Variants in GRM7 observed in about 807,000 individuals in gnomAD.
GRM7 encodes the protein glutamate metabotropic receptor 7.
GRM7 carries 35 observed loss-of-function variants against 84.5 expected under a neutral mutation model. The observed-to-expected ratio is 0.41, with a 90% CI of 0.32 to 0.55. The LOEUF (loss-of-function observed/expected upper bound fraction) is 0.55. GRM7 is among the 20% of genes least tolerant of loss of function. The probability of loss-of-function intolerance (pLI) is 0.19; values close to 1 mark genes in which losing one functional copy is unlikely to be tolerated. For synonymous variants in GRM7, 487 were observed against 455.1 expected, an observed-to-expected ratio of 1.07 and a Z score of -0.89; for missense variants, 1,003 against 1,194.6, an observed-to-expected ratio of 0.84 and a Z score of 2.36.
At chr3:7,487,068 TA>T (rs1265653881) in intron 7 of GRM7, among the ~76,000 whole-genome samples, 1 of 152,122 alleles carries the variant, frequency 6.6e-6, no homozygotes, top group Non-Finnish European at 1.5e-5. Flanking sequence ...TGAAGTAAAA[TA>T]CAGTTGTGAA....
intron 7 of GRM7, among the ~76,000 whole-genome samples, chr3:7,482,068 G>A (rs368412550): frequency 6.6e-6 from 1 of 152,106 alleles, no homozygotes; most frequent in African/African-American, 2.4e-5. Flanking sequence ...GACACCTGTA[G>A]TCCCAGCTAC....
intron 1 of GRM7, among the ~76,000 whole-genome samples, chr3:6,949,698 A>G (rs9819442): frequency 6.6e-6 from 1 of 152,082 alleles, no homozygotes; most frequent in Non-Finnish European, 1.5e-5. Context: ...TACACCAATC[A>G]GACGTAGATT....
intron 1 of GRM7, among the ~76,000 whole-genome samples, chr3:7,090,097 C>T (rs1698611055): frequency 6.6e-6 from 1 of 152,150 alleles, no homozygotes; most frequent in Non-Finnish European, 1.5e-5. Context: ...CCAGCCTCAG[C>T]CTCCTACAGT....
chr3:7,187,167 C>A (rs1449700596), intron 2 of GRM7, among the ~76,000 whole-genome samples: 2 of 151,632 alleles, frequency 1.3e-5, no homozygotes, highest in Non-Finnish European at 2.9e-5. Flanking sequence ...AAATGCTTTT[C>A]TGAAATATGC....
At chr3:7,265,229 AC>A (rs1182045410) in intron 2 of GRM7, among the ~76,000 whole-genome samples, 3 of 152,182 alleles carry the variant, frequency 2.0e-5, no homozygotes, top group African/African-American at 7.2e-5. Flanking sequence ...TGGAATGGAA[AC>A]CTTTCAGTTC....
intron 4 of GRM7, among the ~76,000 whole-genome samples, chr3:7,370,621 A>G (rs1273823989): frequency 6.6e-6 from 1 of 152,152 alleles, no homozygotes; most frequent in Admixed American, 6.6e-5. Flanking sequence ...ATACAAAAGG[A>G]AATGGATAAA....
intron 2 of GRM7, among the ~76,000 whole-genome samples, chr3:7,237,465 C>T (rs1049816193): frequency 2.6e-5 from 4 of 152,044 alleles, no homozygotes; most frequent in African/African-American, 7.2e-5. Context: ...TTCTTGGGCT[C>T]GCTGACTTCA....
intron 4 of GRM7, among the ~76,000 whole-genome samples, chr3:7,410,276 A>G (rs1282236077): frequency 6.6e-6 from 1 of 152,194 alleles, no homozygotes; most frequent in African/African-American, 2.4e-5. Context: ...AGCTGATTTT[A>G]AAAGTATTTT....
In GRM7 at chr3:7,505,481, T is replaced by C. The variant is rs532054175; in HGVS notation, c.1515+43759T>C. On this transcript the variant is annotated intron_variant, in intron 7 of 9. Transcript: ENST00000357716. ...CTGACTGTGGTCTCTCTGCAGTAAC[T>C]CTACTTGTGTGACAAACCACCGTGT... 3.3e-5 allele frequency among the ~76,000 whole-genome samples: 5 copies of C among 152,364 alleles called. No individual in the cohort carries two copies. In the East Asian group the frequency reaches 9.7e-4, roughly 29 times the overall value.
At chr3:7,130,869 A>G (rs1414783580) in intron 1 of GRM7, among the ~76,000 whole-genome samples, 1 of 152,172 alleles carries the variant, frequency 6.6e-6, no homozygotes, top group Non-Finnish European at 1.5e-5. Flanking sequence ...TGTGCAATGA[A>G]GGGAACCTAC....
intron 9 of GRM7, chr3:7,691,334 T>C (rs2125151001): frequency 8.9e-7 from 1 of 1,117,646 alleles, no homozygotes; most frequent in East Asian, 5.8e-5. Context: ...TTTCTGTAAG[T>C]GTTGGTCCAA....
intron 1 of GRM7, among the ~76,000 whole-genome samples, chr3:6,937,954 A>G (rs1454797144): frequency 1.3e-5 from 2 of 152,214 alleles, no homozygotes; most frequent in Non-Finnish European, 2.9e-5. Flanking sequence ...ATAAGTAAAT[A>G]CTGATGACAT....
In GRM7 at chr3:7,494,534, T is replaced by G. The variant is rs76702263; in HGVS notation, c.1515+32812T>G. 7.9e-5 allele frequency among the ~76,000 whole-genome samples: 12 copies of G among 152,342 alleles called. No homozygotes were observed. In the East Asian group the frequency reaches 2.3e-3, roughly 29 times the overall value. On this transcript the variant is annotated intron_variant, in intron 7 of 9. Coordinates refer to ENST00000357716, the MANE Select transcript of GRM7 (RefSeq NM_000844.4). ...GAAAGTGTCCAGCCATTATTTCTTGTACTACCCTTTAGCTTCACTCTCTTT... is the reference window on the plus strand; with the variant it reads ...GAAAGTGTCCAGCCATTATTTCTTGGACTACCCTTTAGCTTCACTCTCTTT...
At chr3:6,995,637 A>G (rs905467723) in intron 1 of GRM7, among the ~76,000 whole-genome samples, 1 of 152,244 alleles carries the variant, frequency 6.6e-6, no homozygotes, top group African/African-American at 2.4e-5. Context: ...ATCTAACTGA[A>G]TCATATCAAG....
chr3:7,415,051 A>C lies in GRM7; in HGVS notation c.1062A>C (p.Thr354=). The change falls in exon 5 of 10, where the codon ACA becomes ACC. Residue 354 remains threonine (T), a synonymous_variant. Transcript: ENST00000357716. The part of the protein sequence containing the change: ...EGFDAYFTSR[T]LENNRRNVWF... The stretch of plus-strand genomic sequence containing the variant: ...TTGATGCCTACTTTACGTCCCGTAC[A>C]CTTGAAAACAACAGAAGAAATGTAT... 1 of 1,613,106 alleles carries C rather than the reference A, an allele frequency of 6.2e-7. No homozygotes were observed. Among genetic ancestry groups the C allele is most frequent in the Non-Finnish European group, 8.5e-7 (1 of 1,179,228 alleles).
chr3:7,673,320 ACTTT>A (rs1420383275), intron 8 of GRM7, among the ~76,000 whole-genome samples: 1 of 152,216 alleles, frequency 6.6e-6, no homozygotes, highest in Non-Finnish European at 1.5e-5. Flanking sequence ...CAAGTGTCGA[ACTTT>A]CTGATTCACC....
intron 2 of GRM7, among the ~76,000 whole-genome samples, chr3:7,164,391 A>G (rs1260998676): frequency 6.6e-6 from 1 of 152,130 alleles, no homozygotes; most frequent in African/African-American, 2.4e-5. Flanking sequence ...ATCACAACCT[A>G]GAGTCAAACT....
At chr3:7,229,941 G>A (rs1697138586) in intron 2 of GRM7, among the ~76,000 whole-genome samples, 2 of 142,910 alleles carry the variant, frequency 1.4e-5, no homozygotes, top group Admixed American at 7.3e-5. Flanking sequence ...CCGGGTTCAC[G>A]CCATTCTCCT....
At chr3:7,074,901 G>C (rs1236625094) in intron 1 of GRM7, among the ~76,000 whole-genome samples, 1 of 152,136 alleles carries the variant, frequency 6.6e-6, no homozygotes, top group Non-Finnish European at 1.5e-5. Context: ...TTCAATCAAA[G>C]CCAGCTGAAC....
Sources: gnomAD v4.1 joint callset for allele counts (sites outside exome capture counted in the v4.1 genomes callset) on GRCh38, gnomAD v4.1.1 for gene constraint, MANE v1.5 for transcripts, NCBI Gene and HGNC (gene_info 2026-07-23, HGNC 2026-07-21) for gene names.